MRTFB: variants seen among roughly 807,000 people sequenced by gnomAD.
MRTFB encodes myocardin-related transcription factor B.
A neutral mutation model predicts 104.2 loss-of-function variants in MRTFB; 29 were observed. The observed-to-expected ratio is 0.28, with a 90% CI of 0.21 to 0.38. MRTFB has a LOEUF of 0.38. Ranked by LOEUF, MRTFB falls within the 10% of genes least tolerant of loss-of-function variation. The pLI is 1.00. For synonymous variants in MRTFB, 535 were observed against 519.5 expected (o/e 1.03, Z -0.41); for missense variants, 1,270 against 1,341.6 (o/e 0.95, Z 0.83).
upstream of MRTFB, among the ~76,000 whole-genome samples, chr16:14,069,458 C>T (rs2033567086): frequency 2.0e-5 from 3 of 152,162 alleles, no homozygotes; most frequent in African/African-American, 4.8e-5. Context: ...TCTCAGCTGC[C>T]ATCATACATC....
the MRTFB span, among the ~76,000 whole-genome samples, chr16:14,018,689 C>T: frequency 5.3e-5 from 8 of 152,298 alleles, no homozygotes; most frequent in Admixed American, 3.9e-4. Context: ...CCACCAGTCC[C>T]CAGCACTAAC....
chr16:14,072,173 T>C (rs2033744433), intron 1 of MRTFB, among the ~76,000 whole-genome samples: 1 of 152,180 alleles, frequency 6.6e-6, no homozygotes, highest in African/African-American at 2.4e-5. Context: ...GAACAGTGGT[T>C]CTCAACCTCG....
chr16:14,017,616 T>C, the MRTFB span, among the ~76,000 whole-genome samples: 1 of 84,708 alleles, frequency 1.2e-5, no homozygotes, highest in African/African-American at 6.8e-5. Flanking sequence ...TATATATATA[T>C]ATATATATAT....
chr16:14,113,848 T>G (rs2036399996), intron 2 of MRTFB, among the ~76,000 whole-genome samples: 1 of 152,218 alleles, frequency 6.6e-6, no homozygotes, highest in Admixed American at 6.5e-5. Flanking sequence ...TTGTTTTGTT[T>G]CCTTAAATTT....
intron 2 of MRTFB, among the ~76,000 whole-genome samples, chr16:14,119,186 C>G (rs11644242): frequency 1.3e-5 from 2 of 152,110 alleles, no homozygotes. Flanking sequence ...AGTATAGTCA[C>G]GTGGTTGAAG....
intron 2 of MRTFB, among the ~76,000 whole-genome samples, chr16:14,119,414 G>A (rs926762558): frequency 6.6e-6 from 1 of 152,112 alleles, no homozygotes; most frequent in Non-Finnish European, 1.5e-5. Flanking sequence ...AAACCTTTAA[G>A]CTGAATTTAA....
chr16:14,147,845 A>G (rs139650109), intron 3 of MRTFB, among the ~76,000 whole-genome samples: 1 of 152,204 alleles, frequency 6.6e-6, no homozygotes, highest in Non-Finnish European at 1.5e-5. Flanking sequence ...AGGCATCATA[A>G]TTAACACATT....
chr16:14,062,172 AG>A, the MRTFB span, among the ~76,000 whole-genome samples: 5 of 152,188 alleles, frequency 3.3e-5, no homozygotes, highest in African/African-American at 1.2e-4. Flanking sequence ...AGCTCACTGC[AG>A]CCTCAACCTT....
chr16:14,223,296 C>T (rs1017158150), intron 8 of MRTFB, among the ~76,000 whole-genome samples: 7 of 151,794 alleles, frequency 4.6e-5, no homozygotes, highest in African/African-American at 1.2e-4. Flanking sequence ...GATAACAGAG[C>T]GAGACCCTAC....
rs536135095 is a variant in MRTFB, at chr16:14,221,849, T to C, written c.693+2851T>C. On this transcript the variant is annotated intron_variant, in intron 8 of 16. Coordinates refer to ENST00000571589, the MANE Select transcript of MRTFB (RefSeq NM_001308142.2). ...CAGGCTGGAGTGCAATGGTGTGATC[T>C]CAGCTTACTACAACCTCTGCCTCCC... 1.2e-4 allele frequency among the ~76,000 whole-genome samples: 17 copies of C among 145,714 alleles called. No homozygotes were observed. The South Asian group carries it at 3.4e-3, about 29-fold the overall frequency.
At chr16:14,067,220 C>CTT (rs1236193770), upstream of MRTFB, among the ~76,000 whole-genome samples, 27 of 127,962 alleles carry the variant, frequency 2.1e-4, no homozygotes, top group East Asian at 9.2e-4. Flanking sequence ...TGTTAACCCT[C>CTT]TTTTTTTTTT....
At chr16:14,114,140 C>T (rs980801086) in intron 2 of MRTFB, among the ~76,000 whole-genome samples, 1 of 152,146 alleles carries the variant, frequency 6.6e-6, no homozygotes, top group African/African-American at 2.4e-5. Context: ...TGGTTGGAAA[C>T]TTTAATGTTG....
At chr16:14,135,604 A>C (rs1480740190) in intron 2 of MRTFB, among the ~76,000 whole-genome samples, 1 of 152,226 alleles carries the variant, frequency 6.6e-6, no homozygotes, top group Non-Finnish European at 1.5e-5. Flanking sequence ...CCCTGTCATT[A>C]AGCATGACTA....
At chr16:14,253,821 C>T (rs1183777531) in intron 15 of MRTFB, among the ~76,000 whole-genome samples, 2 of 152,166 alleles carry the variant, frequency 1.3e-5, no homozygotes, top group Non-Finnish European at 2.9e-5. Context: ...AGCAAAGGCC[C>T]TTGTCTGTGA....
At chr16:14,118,566 C>T (rs1332930117) in intron 2 of MRTFB, among the ~76,000 whole-genome samples, 1 of 151,666 alleles carries the variant, frequency 6.6e-6, no homozygotes, top group African/African-American at 2.4e-5. Context: ...TTTGGGGAAA[C>T]TGAGTTGGGC....
intron 15 of MRTFB, among the ~76,000 whole-genome samples, chr16:14,254,055 A>C (rs978654220): frequency 4.6e-5 from 7 of 152,158 alleles, no homozygotes; most frequent in African/African-American, 1.4e-4. Flanking sequence ...TGAATCTTCC[A>C]CTGTAACCTA....
intron 3 of MRTFB, among the ~76,000 whole-genome samples, chr16:14,159,086 C>T (rs74597702): frequency 0.027 from 4,075 of 152,040 alleles, 71 homozygotes; most frequent in Middle Eastern, 0.086. Flanking sequence ...GAGCCAGGAT[C>T]ACACCACTGC....
chr16:14,158,767 A>G (rs1379887686), intron 3 of MRTFB, among the ~76,000 whole-genome samples: 1 of 152,152 alleles, frequency 6.6e-6, no homozygotes, highest in Non-Finnish European at 1.5e-5. Context: ...TCAACCATCT[A>G]CCTTGTTGAA....
chr16:14,122,991 C>T (rs536785984), intron 2 of MRTFB, among the ~76,000 whole-genome samples: 64 of 152,282 alleles, frequency 4.2e-4, no homozygotes, highest in African/African-American at 1.3e-3. Flanking sequence ...TTCTTACTGG[C>T]GTGAGATGGT....
Sources: gnomAD v4.1 joint callset for allele counts (sites outside exome capture counted in the v4.1 genomes callset) on GRCh38, gnomAD v4.1.1 for gene constraint, MANE v1.5 for transcripts, NCBI Gene and HGNC (gene_info 2026-07-23, HGNC 2026-07-21) for gene names.